ZNF717: variants seen among roughly 807,000 people sequenced by gnomAD.
ZNF717 encodes krueppel-like factor X17.
In ZNF717, 9 loss-of-function variants were observed where a neutral mutation model predicts 13.8. The observed-to-expected ratio is 0.65, with a 90% confidence interval of 0.39 to 1.14. The LOEUF is 1.14. Ranked by LOEUF, ZNF717 falls within the 50% of genes most tolerant of loss-of-function variation. The pLI, the probability that ZNF717 is intolerant of heterozygous loss-of-function variation, is 0.01. For missense variants in ZNF717, 1,040 were observed against 1,080.7 expected (o/e 0.96, Z 0.53); for synonymous variants, 327 against 364.1 (o/e 0.90, Z 1.16).
chr3:75,780,156 T>TG (rs1410534920), intron 2 of ZNF717, among the ~76,000 whole-genome samples: 19 of 144,176 alleles, frequency 1.3e-4, no homozygotes, highest in African/African-American at 4.2e-4. Context: ...CCCAAAACAA[T>TG]GGAGCTGACG....
rs137942222 is a variant in ZNF717 at position 75,715,121 on chromosome 3, CCA to C, written n.667+1296_667+1297del. Among the ~76,000 whole-genome samples the C allele has an allele frequency of 3.3e-5, 5 of 152,254 alleles. No homozygotes were observed. In the South Asian group the frequency reaches 6.2e-4, roughly 19 times the overall value. Reference sequence around the variant, plus strand: ...TAGGTAATCTAATAAGTGCTGTGAACCACAGTTTGGGTAAAGCAGTTTCCATG... The same window carrying C: ...TAGGTAATCTAATAAGTGCTGTGAACCAGTTTGGGTAAAGCAGTTTCCATG... On this transcript the variant is annotated intron_variant and non_coding_transcript_variant, in intron 5 of 5. Transcript: ENST00000491507.
At chr3:75,740,892 G>A (rs201279822) in intron 4 of ZNF717, among the ~76,000 whole-genome samples, 8 of 152,012 alleles carry the variant, frequency 5.3e-5, no homozygotes, top group Non-Finnish European at 8.8e-5. Context: ...TTTCATCATC[G>A]TTATAATGAC....
chr3:75,741,502 T>C, intron 3 of ZNF717, 108 bp downstream of exon 3: 1 of 1,457,214 alleles, frequency 6.9e-7, no homozygotes, highest in Non-Finnish European at 9.4e-7. Flanking sequence ...GTGACACATT[T>C]TTCATCAACT....
chr3:75,752,915 T>C (rs1463461968), intron 2 of ZNF717, among the ~76,000 whole-genome samples: 2 of 149,250 alleles, frequency 1.3e-5, no homozygotes, highest in Non-Finnish European at 3.0e-5. Flanking sequence ...TCTCCTGCTG[T>C]GGTCTGAAAG....
chr3:75,779,914 G>A (rs761960347), intron 2 of ZNF717, among the ~76,000 whole-genome samples: 1 of 151,552 alleles, frequency 6.6e-6, no homozygotes, highest in Non-Finnish European at 1.5e-5. Context: ...CCAAAACAAC[G>A]GGAGTGATGT....
intron 4 of ZNF717, among the ~76,000 whole-genome samples, chr3:75,720,234 C>G (rs111319021): frequency 6.6e-6 from 1 of 152,040 alleles, no homozygotes; most frequent in Non-Finnish European, 1.5e-5. Context: ...TGGAATCAAC[C>G]TAGGTGCACA....
At chr3:75,709,797 C>A (rs1456676796) in exon 6 of ZNF717, 1 of 152,186 alleles carries the variant, frequency 6.6e-6, no homozygotes, top group Non-Finnish European at 1.5e-5. Context: ...TTGATTCAGA[C>A]AACTTTCACG....
At chr3:75,714,170 C>CTG (rs1366631300) in intron 5 of ZNF717, among the ~76,000 whole-genome samples, 8 of 151,936 alleles carry the variant, frequency 5.3e-5, no homozygotes, top group Middle Eastern at 3.4e-3. Context: ...GTGGGCCTGA[C>CTG]ATCAGTCAGG....
exon 6 of ZNF717, chr3:75,711,145 G>A (rs1937928652): frequency 6.6e-6 from 1 of 152,130 alleles, no homozygotes; most frequent in Non-Finnish European, 1.5e-5. Context: ...TGTTTATGAA[G>A]AGAAACAGAT....
intron 6 of ZNF717, among the ~76,000 whole-genome samples, chr3:75,704,500 C>G (rs866480106): frequency 6.6e-6 from 1 of 152,306 alleles, no homozygotes; most frequent in East Asian, 1.9e-4. Flanking sequence ...GTGAGAGACC[C>G]TAGGGCATAA....
chr3:75,746,947 G>A lies in ZNF717; in HGVS notation c.58-5211C>T, dbSNP rs1466703858. ...ACATGAAGTCCTTGCCCATGCCTAT[G>A]TCTTGAATGGTATTGACTAGGTTTT... is the stretch of plus-strand genomic sequence containing the variant. On this transcript the variant is annotated intron_variant, in intron 2 of 4. Transcript: ENST00000652011. Among the ~76,000 whole-genome samples, 5 of 152,186 alleles carry A rather than the reference G, an allele frequency of 3.3e-5. No individual in the cohort carries two copies. The East Asian group carries it at 7.7e-4, about 23-fold the overall frequency.
chr3:75,774,189 CAA>C (rs528249551), intron 2 of ZNF717, among the ~76,000 whole-genome samples: 10 of 130,188 alleles, frequency 7.7e-5, no homozygotes, highest in Non-Finnish European at 5.0e-5. Flanking sequence ...AATAAACTAC[CAA>C]AAAAAAAAAA....
chr3:75,710,765 C>T (rs1937914699), exon 6 of ZNF717: 1 of 151,588 alleles, frequency 6.6e-6, no homozygotes, highest in Non-Finnish European at 1.5e-5. Context: ...GAGTTGTTGC[C>T]AAATTAGGAG....
chr3:75,732,285 C>A (rs80031092), downstream of ZNF717, among the ~76,000 whole-genome samples: 1 of 152,264 alleles, frequency 6.6e-6, no homozygotes, highest in South Asian at 2.1e-4. Flanking sequence ...CCAGCCTACT[C>A]CAGTCATCCC....
At chr3:75,705,572 G>C (rs1937788211), downstream of ZNF717, among the ~76,000 whole-genome samples, 1 of 152,300 alleles carries the variant, frequency 6.6e-6, no homozygotes, top group Admixed American at 6.5e-5. Context: ...ATTTCTTCTA[G>C]TTTTCCAGGG....
downstream of ZNF717, among the ~76,000 whole-genome samples, chr3:75,726,925 A>G (rs1165126545): frequency 6.6e-6 from 1 of 152,132 alleles, no homozygotes; most frequent in Non-Finnish European, 1.5e-5. Flanking sequence ...CATGTGCCTC[A>G]TAATGAACAT....
At chr3:75,753,496 T>C (rs949823556) in intron 2 of ZNF717, among the ~76,000 whole-genome samples, 17 of 150,376 alleles carry the variant, frequency 1.1e-4, no homozygotes, top group Non-Finnish European at 2.4e-4. Context: ...AGGGTCTGAA[T>C]ATCTGTCCGT....
chr3:75,775,678 C>A (rs201610559), intron 2 of ZNF717, among the ~76,000 whole-genome samples: 1 of 132,722 alleles, frequency 7.5e-6, no homozygotes, highest in Non-Finnish European at 1.7e-5. Flanking sequence ...AATGGTGAAA[C>A]CCCGCCTCTA....
At chr3:75,768,960 A>G (rs1215453206) in intron 2 of ZNF717, among the ~76,000 whole-genome samples, 2 of 152,242 alleles carry the variant, frequency 1.3e-5, no homozygotes, top group African/African-American at 4.8e-5. Flanking sequence ...AGCCAGTGCC[A>G]TAAGGAAAAC....
Sources: allele counts gnomAD v4.1 joint callset (sites outside exome capture counted in the v4.1 genomes callset), GRCh38; gene constraint gnomAD v4.1.1; transcripts MANE v1.5; gene names NCBI Gene and HGNC (gene_info 2026-07-23, HGNC 2026-07-21).